The following CDCP1 variants were observed in gnomAD, a reference collection of about 807,000 sequenced individuals.
The protein encoded by CDCP1 is CUB domain-containing protein 1.
Under a neutral mutation model 60.2 loss-of-function variants are expected in CDCP1, and 29 were observed. The ratio of observed to expected loss-of-function variants is 0.48; its 90% CI spans 0.36 to 0.66. The LOEUF (loss-of-function observed/expected upper bound fraction) is 0.66, where lower values mean the gene tolerates loss of function less well. Among genes scored for constraint, CDCP1 ranks in the 30% least tolerant of loss-of-function variants. The pLI is 0.00. For synonymous variants in CDCP1, 387 were observed against 431.1 expected, an observed-to-expected ratio of 0.90 and a Z score of 1.27; for missense variants, 876 against 1,074.3, an observed-to-expected ratio of 0.82 and a Z score of 2.58.
chr3:45,095,284 G>A (rs1030933524), intron 5 of CDCP1, 63 bp downstream of exon 5: 75 of 1,490,036 alleles, frequency 5.0e-5, no homozygotes, highest in Non-Finnish European at 6.9e-5. Context: ...ACCCCACTAA[G>A]GCAAGGCGGG....
Position 45,089,137 on chromosome 3 carries a change from C to G in CDCP1, c.1998G>C (p.Leu666Phe), listed in dbSNP as rs947889514. 3 of 1,613,788 alleles carry G rather than the reference C, an allele frequency of 1.9e-6. No homozygotes were observed. ...SVTLTPRTVD[L>F]TVILIAAVGG... ...CCACCGCTGCGATGAGGATGACAGTCAAGTCTGTGAGCAGAGACATAAAGA... is the reference window on the plus strand; with the variant it reads ...CCACCGCTGCGATGAGGATGACAGTGAAGTCTGTGAGCAGAGACATAAAGA... The change falls in exon 8 of 9, where the codon TTG becomes TTC. Residue 666 changes from leucine (L) to phenylalanine (F), a missense_variant. Transcript: ENST00000296129.
At chr3:45,098,592 C>T (rs1050471989) in intron 4 of CDCP1, among the ~76,000 whole-genome samples, 23 of 151,908 alleles carry the variant, frequency 1.5e-4, no homozygotes, top group African/African-American at 5.3e-4. Context: ...CCCCACACCC[C>T]CTCCACACCC....
chr3:45,091,326 G>C lies in CDCP1; in HGVS notation c.1840C>G (p.Arg614Gly). ...TCCAGGCTGAAGATCTCCTCAGCCC[G>C]GGTCCGCTGCTCCTGGATGATCATG... Reference protein sequence around the residue: ...AFMIIQEQRTRAEEIFSLDED... With the variant: ...AFMIIQEQRTGAEEIFSLDED... Residue 614 changes from arginine to glycine, a missense_variant, in exon 7 of 9, where the codon CGG becomes GGG. By Grantham distance (125) the Arg-to-Gly change is moderately radical. This residue lies in a region of CDCP1 where 726 missense variants were observed against 935.7 expected (regional missense o/e 0.78). Coordinates refer to ENST00000296129, the MANE Select transcript of CDCP1 (RefSeq NM_022842.5). This position sits in a 1 kb window ranked among gnomAD's most constrained non-coding sequence, Gnocchi z 4.8. The C allele has an allele frequency of 6.2e-7, 1 of 1,614,106 alleles. No homozygotes were observed. Among genetic ancestry groups the C allele is most frequent in the Non-Finnish European group, 8.5e-7 (1 of 1,180,036 alleles).
intron 1 of CDCP1, among the ~76,000 whole-genome samples, chr3:45,131,550 G>A (rs1206167193): frequency 6.6e-6 from 1 of 152,132 alleles, no homozygotes; most frequent in Non-Finnish European, 1.5e-5. Context: ...TTGTCCTTTT[G>A]TATCTGGCTT....
chr3:45,124,253 C>T lies in CDCP1; in HGVS notation c.83-5632G>A, dbSNP rs939848709. Among the ~76,000 whole-genome samples, 15 of 152,104 alleles carry T rather than the reference C, an allele frequency of 9.9e-5. 1 individual carries two copies. The highest frequency in any genetic ancestry group is 2.1e-4 in the South Asian group (1 of 4,826). ...GGAGGGAATTCCAGGTGATAAACACCGGAAGTCATTTTTCTCCCAGATCTG... is the reference window on the plus strand; with the variant it reads ...GGAGGGAATTCCAGGTGATAAACACTGGAAGTCATTTTTCTCCCAGATCTG... On this transcript the variant is annotated intron_variant, in intron 1 of 8. Transcript: ENST00000296129.
intron 4 of CDCP1, among the ~76,000 whole-genome samples, chr3:45,100,521 C>T (rs556075560): frequency 3.1e-4 from 47 of 152,304 alleles, no homozygotes; most frequent in African/African-American, 1.1e-3. Context: ...AAGCAGATTT[C>T]TTCTTGGTTT....
In CDCP1 at chr3:45,093,457, G is replaced by A. The variant is rs752926248; in HGVS notation, c.1447C>T (p.Leu483Phe). 6.2e-7 allele frequency: 1 copy of A among 1,613,992 alleles called. No individual in the cohort carries two copies. Among genetic ancestry groups the A allele is most frequent in the African/African-American group, 1.3e-5 (1 of 74,936 alleles). ...EKPCNTSFSY[L>F]VASAIPSQDL... ...TGGCTGGGTATGGCACTGGCCACGA[G>A]GTAGCTGAAGCTGGTGTTGCAGGGC... The change falls in exon 6 of 9, where the codon CTC becomes TTC. Residue 483 changes from leucine to phenylalanine, a missense_variant. By Grantham distance (22) the Leu-to-Phe change is conservative. This residue lies in a region of CDCP1 where 726 missense variants were observed against 935.7 expected (regional missense o/e 0.78). Coordinates refer to ENST00000296129, the MANE Select transcript of CDCP1 (RefSeq NM_022842.5).
At chr3:45,124,641 A>G (rs905981642) in intron 1 of CDCP1, among the ~76,000 whole-genome samples, 2 of 152,174 alleles carry the variant, frequency 1.3e-5, no homozygotes, top group Non-Finnish European at 2.9e-5. Context: ...GCAGACCAAC[A>G]TTCCATTCTC....
At chr3:45,127,797 A>T (rs1019643367) in intron 1 of CDCP1, among the ~76,000 whole-genome samples, 2 of 152,152 alleles carry the variant, frequency 1.3e-5, no homozygotes, top group Admixed American at 1.3e-4. Context: ...AGCAGGGCAA[A>T]TCTCTCATTC....
intron 1 of CDCP1, among the ~76,000 whole-genome samples, chr3:45,123,740 A>G (rs1036758737): frequency 9.2e-5 from 14 of 152,318 alleles, no homozygotes; most frequent in African/African-American, 3.1e-4. Context: ...AGCTCATTTG[A>G]TCACAAATGC....
chr3:45,142,951 C>T (rs190590679), intron 1 of CDCP1, among the ~76,000 whole-genome samples: 2 of 152,310 alleles, frequency 1.3e-5, no homozygotes, highest in Admixed American at 1.3e-4. Flanking sequence ...GCCTGTAATC[C>T]CAGCACTTCA....
At chr3:45,104,598 T>C (rs141495798) in intron 4 of CDCP1, among the ~76,000 whole-genome samples, 4 of 152,212 alleles carry the variant, frequency 2.6e-5, no homozygotes, top group Middle Eastern at 3.4e-3. Flanking sequence ...CCTCACAACA[T>C]GGGGGGAAGG....
chr3:45,118,645 G>A, intron 1 of CDCP1, 24 bp from the exon 2 acceptor site: 2 of 1,592,472 alleles, frequency 1.3e-6, no homozygotes, highest in East Asian at 2.2e-5. Context: ...GGAAAATGAA[G>A]TAAGCAGGAT....
intron 5 of CDCP1, 30 bp downstream of exon 5, chr3:45,095,317 A>G (rs373556746): frequency 1.3e-6 from 2 of 1,597,804 alleles, no homozygotes; most frequent in African/African-American, 2.7e-5. Context: ...ATCCATGGCC[A>G]GGGACAAATG....
Position 45,093,360 on chromosome 3 carries a change from A to G in CDCP1, c.1544T>C (p.Val515Ala). 6.2e-7 allele frequency: 1 copy of G among 1,614,242 alleles called. No individual in the cohort carries two copies. Among genetic ancestry groups the G allele is most frequent in the Non-Finnish European group, 8.5e-7 (1 of 1,180,050 alleles). The part of the protein sequence containing the change: ...KQIQVKQNIS[V>A]TLRTFAPSFQ... ...GCTGGGGGCAAAGGTGCGAAGGGTC[A>G]CCGAGATGTTCTGCTTCACCTGGAT... Residue 515 changes from valine to alanine, a missense_variant, in exon 6 of 9, where the codon GTG (valine) becomes GCG (alanine). Physicochemically the swap from Val to Ala is moderately conservative, Grantham distance 64. Coordinates refer to ENST00000296129, the MANE Select transcript of CDCP1 (RefSeq NM_022842.5).
chr3:45,118,716 C>G (rs1162594180), intron 1 of CDCP1, 95 bp from the exon 2 acceptor site: 1 of 909,590 alleles, frequency 1.1e-6, no homozygotes, highest in East Asian at 2.5e-5. Flanking sequence ...AGGATGTCCT[C>G]TATGACAACT....
rs368493580 is a variant in CDCP1 at position 45,091,300 on chromosome 3, G to A, written c.1866C>T (p.Asp622=). 22 of 1,613,914 alleles carry A rather than the reference G, an allele frequency of 1.4e-5. No individual in the cohort carries two copies. In the African/African-American group the frequency reaches 1.9e-4, roughly 14 times the overall value. The stretch of plus-strand genomic sequence containing the variant: ...AGCTTGGCTTGGGGAGCACATCCTC[G>A]TCCAGGCTGAAGATCTCCTCAGCCC... ...RTRAEEIFSL[D]EDVLPKPSFH... is the part of the protein sequence containing the mutation. Residue 622 remains aspartate (D), a synonymous_variant, in exon 7 of 9, where the codon GAC becomes GAT. Transcript: ENST00000296129. The surrounding 1 kb of genome is among the most constrained non-coding windows in gnomAD (Gnocchi z 4.8).
intron 1 of CDCP1, among the ~76,000 whole-genome samples, chr3:45,140,591 T>C (rs1460530181): frequency 6.6e-6 from 1 of 152,130 alleles, no homozygotes; most frequent in Admixed American, 6.5e-5. Flanking sequence ...ACATACCAGC[T>C]AGGGAGCCCT....
At chr3:45,088,891 T>C (rs1405211045) in intron 8 of CDCP1, among the ~76,000 whole-genome samples, 163 bp downstream of exon 8, 1 of 152,134 alleles carries the variant, frequency 6.6e-6, no homozygotes, top group Non-Finnish European at 1.5e-5. Context: ...GGGATTTTTT[T>C]TCTCCTGAAA....
Sources: allele counts gnomAD v4.1 joint callset (sites outside exome capture counted in the v4.1 genomes callset), GRCh38; gene constraint gnomAD v4.1.1; regional missense constraint gnomAD v4.1.1; non-coding constraint Gnocchi (gnomAD v3.1); transcripts MANE v1.5; gene names NCBI Gene and HGNC (gene_info 2026-07-23, HGNC 2026-07-21).